Variants in MBNL2 observed in about 807,000 individuals in gnomAD.
The protein encoded by MBNL2 is muscleblind-like protein 2.
In MBNL2, 17 loss-of-function variants were observed where a neutral mutation model predicts 41.9. That is an observed-to-expected ratio of 0.41 (90% CI 0.28 to 0.61). The LOEUF is 0.61. MBNL2 is among the 20% of genes least tolerant of loss of function. The pLI is 0.35. For missense variants in MBNL2, 336 were observed against 505.6 expected (o/e 0.66, Z 3.22); for synonymous variants, 195 against 182.9 (o/e 1.07, Z -0.53).
chr13:97,214,480 G>A, the MBNL2 span, among the ~76,000 whole-genome samples: 993 of 152,254 alleles, frequency 6.5e-3, 4 homozygotes, highest in Non-Finnish European at 0.012. Flanking sequence ...TATAAATTTT[G>A]ACAAAAGGCA....
upstream of MBNL2, among the ~76,000 whole-genome samples, chr13:97,216,697 A>C (rs1295918184): frequency 1.3e-5 from 2 of 152,178 alleles, no homozygotes; most frequent in Non-Finnish European, 1.5e-5. Context: ...AAACATCATC[A>C]AACATTAATT....
At chr13:97,207,237 C>G in the MBNL2 span, among the ~76,000 whole-genome samples, 2 of 152,276 alleles carry the variant, frequency 1.3e-5, no homozygotes, top group African/African-American at 4.8e-5. Flanking sequence ...TGCAGAGAAG[C>G]ATTATTTATT....
chr13:97,293,439 T>C, intron 2 of MBNL2, among the ~76,000 whole-genome samples: 1 of 152,234 alleles, frequency 6.6e-6, no homozygotes, highest in East Asian at 1.9e-4. Context: ...ATTTTTTTGG[T>C]GCAGATGATG....
At chr13:97,312,909 G>A (rs968192221) in intron 2 of MBNL2, among the ~76,000 whole-genome samples, 3 of 152,144 alleles carry the variant, frequency 2.0e-5, no homozygotes, top group African/African-American at 7.2e-5. Context: ...TTATAACTTT[G>A]GAAACTATCA....
Position 97,375,398 on chromosome 13 carries a change from G to A in MBNL2, c.1048+10227G>A, listed in dbSNP as rs763216898. 6.0e-4 allele frequency among the ~76,000 whole-genome samples: 91 copies of A among 152,210 alleles called. 1 individual carries two copies. Among genetic ancestry groups the A allele is most frequent in the Non-Finnish European group, 1.9e-4 (13 of 68,044 alleles). ...TCCAGCTGGCAAACGTTGCTGCTGGGAAAGTAAGCGCCATGGCATGGCCTC... is the reference window on the plus strand; with the variant it reads ...TCCAGCTGGCAAACGTTGCTGCTGGAAAAGTAAGCGCCATGGCATGGCCTC... On this transcript the variant is annotated intron_variant, in intron 8 of 8. Coordinates refer to ENST00000679496, the MANE Select transcript of MBNL2 (RefSeq NM_001382683.1).
chr13:97,258,734 G>A (rs1375365493), intron 1 of MBNL2, among the ~76,000 whole-genome samples: 1 of 152,152 alleles, frequency 6.6e-6, no homozygotes. Context: ...AAAATAGTGG[G>A]ATGGGGCTGG....
At chr13:97,236,422 C>T (rs2043285515) in intron 1 of MBNL2, among the ~76,000 whole-genome samples, 1 of 151,426 alleles carries the variant, frequency 6.6e-6, no homozygotes, top group Non-Finnish European at 1.5e-5. Flanking sequence ...TCCTGGGGCT[C>T]TGCTAATATT....
chr13:97,342,070 A>G (rs898078628), intron 3 of MBNL2, among the ~76,000 whole-genome samples: 53 of 152,254 alleles, frequency 3.5e-4, no homozygotes, highest in African/African-American at 1.2e-3. Flanking sequence ...TTCAGGTCCA[A>G]TTTGGTGTAC....
chr13:97,253,129 A>C (rs1297693278), intron 1 of MBNL2, among the ~76,000 whole-genome samples: 1 of 152,222 alleles, frequency 6.6e-6, no homozygotes, highest in Middle Eastern at 3.2e-3. Context: ...AACAAAGTTC[A>C]GGATAGTACA....
chr13:97,145,217 G>T, the MBNL2 span, among the ~76,000 whole-genome samples: 1 of 152,172 alleles, frequency 6.6e-6, no homozygotes, highest in Non-Finnish European at 1.5e-5. Context: ...AATTAACTTT[G>T]TTGCTTTAAG....
chr13:97,255,264 C>T (rs929912490), intron 1 of MBNL2, among the ~76,000 whole-genome samples: 2 of 152,216 alleles, frequency 1.3e-5, no homozygotes, highest in African/African-American at 2.4e-5. Flanking sequence ...AAAAAGTCTT[C>T]TAAATCTTTC....
chr13:97,182,038 T>C, the MBNL2 span, among the ~76,000 whole-genome samples: 1 of 152,154 alleles, frequency 6.6e-6, no homozygotes, highest in East Asian at 1.9e-4. Context: ...TAGTAGGGGT[T>C]TTTTATTTTT....
At chr13:97,295,344 A>G (rs2152987946) in intron 2 of MBNL2, among the ~76,000 whole-genome samples, 1 of 152,192 alleles carries the variant, frequency 6.6e-6, no homozygotes, top group East Asian at 1.9e-4. Flanking sequence ...TCTATACCAA[A>G]GATACTAACA....
chr13:97,264,424 G>T (rs1351500023), intron 1 of MBNL2, among the ~76,000 whole-genome samples: 1 of 152,068 alleles, frequency 6.6e-6, no homozygotes, highest in Non-Finnish European at 1.5e-5. Flanking sequence ...GTCTACATTT[G>T]TACCCGTTAC....
chr13:97,366,837 C>A lies in MBNL2; in HGVS notation c.1048+1666C>A, dbSNP rs2063882800. ...TAAATTCCTTTTAGTACAGCATTAC[C>A]TATCCAGTGGTTTGTGAATGGCCAC... On this transcript the variant is annotated intron_variant, in intron 8 of 8. Coordinates refer to ENST00000679496, the MANE Select transcript of MBNL2 (RefSeq NM_001382683.1). The surrounding 1 kb of genome is among the most constrained non-coding windows in gnomAD (Gnocchi z 4.7). The A allele has an allele frequency of 2.2e-6, 1 of 460,690 alleles. No homozygotes were observed. Among genetic ancestry groups the A allele is most frequent in the African/African-American group, 2.0e-5 (1 of 50,386 alleles). The allele number at this position is 460,690 out of a possible 1,614,324, so 28.5% of individuals were successfully genotyped here. A position where few individuals can be genotyped will look rare whatever the true frequency, so the allele number is the denominator to read the frequency against.
At chr13:97,377,669 T>C (rs1480346645) in intron 8 of MBNL2, among the ~76,000 whole-genome samples, 1 of 152,236 alleles carries the variant, frequency 6.6e-6, no homozygotes, top group Non-Finnish European at 1.5e-5. Context: ...TTAGAGGATT[T>C]AGGACAGAAG....
intron 2 of MBNL2, among the ~76,000 whole-genome samples, chr13:97,279,734 C>CT (rs1185216366): frequency 3.3e-5 from 5 of 152,072 alleles, no homozygotes; most frequent in Non-Finnish European, 7.4e-5. Flanking sequence ...CAATCTGAGT[C>CT]TTTTTTTATT....
intron 2 of MBNL2, among the ~76,000 whole-genome samples, chr13:97,291,839 G>A (rs1389170081): frequency 3.5e-5 from 5 of 144,080 alleles, no homozygotes; most frequent in Non-Finnish European, 4.5e-5. Flanking sequence ...AGGTTGCAGT[G>A]AGCTGAGATC....
chr13:97,342,123 C>T (rs1349549858), intron 3 of MBNL2, among the ~76,000 whole-genome samples: 4 of 152,200 alleles, frequency 2.6e-5, no homozygotes, highest in African/African-American at 7.2e-5. Context: ...AATTACTTAA[C>T]AAGGTTTGTT....
Sources: gnomAD v4.1 joint callset for allele counts (sites outside exome capture counted in the v4.1 genomes callset) on GRCh38, gnomAD v4.1.1 for gene constraint, Gnocchi (gnomAD v3.1) non-coding constraint, MANE v1.5 for transcripts, NCBI Gene and HGNC (gene_info 2026-07-23, HGNC 2026-07-21) for gene names.